The following FKBP15 variants were observed in gnomAD, a reference collection of about 807,000 sequenced individuals.
FKBP15 encodes FKBP prolyl isomerase family member 15.
In FKBP15, 106 loss-of-function variants were observed where a neutral mutation model predicts 158.1. The observed-to-expected ratio is 0.67, with a 90% CI of 0.57 to 0.79. The LOEUF is 0.79. FKBP15 is among the 30% of genes least tolerant of loss of function. FKBP15 has a pLI of 0.00. For missense variants in FKBP15, 1,287 were observed against 1,479.1 expected, an observed-to-expected ratio of 0.87 and a Z score of 2.13; for synonymous variants, 547 against 548.6, an observed-to-expected ratio of 1.00 and a Z score of 0.04.
chr9:113,190,606 C>T lies in FKBP15; in HGVS notation c.1066-28G>A, dbSNP rs368184554. 37 of 1,558,400 alleles carry T rather than the reference C, an allele frequency of 2.4e-5. No individual in the cohort carries two copies. In the Admixed American group the frequency reaches 2.9e-4, roughly 12 times the overall value. The stretch of plus-strand genomic sequence containing the variant: ...AAAAAGAGAGGAAAGTCACAAAAAT[C>T]ACTGTGATTAAAGCTCATCACCTTC... On this transcript the variant is annotated intron_variant, in intron 11 of 27. Transcript: ENST00000238256.
At position 113,190,503 on chromosome 9, in the gene FKBP15, G is replaced by A; in HGVS notation, c.1141C>T (p.Pro381Ser). The A allele has an allele frequency of 6.2e-7, 1 of 1,612,174 alleles. No homozygotes were observed. Among genetic ancestry groups the A allele is most frequent in the Non-Finnish European group, 8.5e-7 (1 of 1,179,156 alleles). Residue 381 changes from proline to serine, a missense_variant, in exon 12 of 28, where the codon CCA becomes TCA. Pro to Ser is a moderately conservative substitution (Grantham distance 74). Transcript: ENST00000238256. ...TCTGAATCATTGGAATCCAGCTGTGGTGGAAGGATGGGCAGCATGGGCTGG... is the reference window on the plus strand; with the variant it reads ...TCTGAATCATTGGAATCCAGCTGTGATGGAAGGATGGGCAGCATGGGCTGG... ...MGQPMLPILP[P>S]QLDSNDSEIE...
intron 23 of FKBP15, 33 bp from the exon 24 acceptor site, chr9:113,171,739 A>AGAAACCT: frequency 1.8e-6 from 2 of 1,130,132 alleles, no homozygotes; most frequent in Non-Finnish European, 1.1e-6. Flanking sequence ...CTGTGGCCTC[A>AGAAACCT]GGAACCAGGT....
chr9:113,193,199 G>C (rs1418452592), intron 11 of FKBP15, among the ~76,000 whole-genome samples: 1 of 152,172 alleles, frequency 6.6e-6, no homozygotes, highest in African/African-American at 2.4e-5. Flanking sequence ...AACTTACACT[G>C]ACTCCCAAGT....
chr9:113,201,059 A>G (rs1162140626), intron 6 of FKBP15, among the ~76,000 whole-genome samples: 3 of 146,436 alleles, frequency 2.0e-5, no homozygotes, highest in African/African-American at 7.5e-5. Flanking sequence ...AAAAAAAAAA[A>G]GAGTTTCATT....
chr9:113,176,756 A>G lies in FKBP15; in HGVS notation c.2087-83T>C, dbSNP rs527529829. On this transcript the variant is annotated intron_variant, in intron 20 of 27. Coordinates refer to ENST00000238256, the MANE Select transcript of FKBP15 (RefSeq NM_015258.2). ...GTTATCCCAGCAGCTCTTTTTTTAA[A>G]TTATTTTTTGGAGACAAAGCCTTGC... The G allele has an allele frequency of 9.5e-6, 14 of 1,466,738 alleles. No individual in the cohort carries two copies. The African/African-American group carries it at 2.0e-4, about 21-fold the overall frequency. 90.9% of individuals were successfully genotyped at this position (1,466,738 alleles called of 1,614,324 possible).
chr9:113,207,150 A>AAGT (rs2118939030), intron 3 of FKBP15, 62 bp downstream of exon 3: 1 of 1,100,096 alleles, frequency 9.1e-7, no homozygotes, highest in Non-Finnish European at 1.3e-6. Flanking sequence ...TTTCGAGAAA[A>AAGT]AGTAGCTTAA....
intron 9 of FKBP15, among the ~76,000 whole-genome samples, chr9:113,195,098 A>G (rs1245915980): frequency 6.6e-6 from 1 of 152,194 alleles, no homozygotes; most frequent in Non-Finnish European, 1.5e-5. Context: ...CAAGTGTTCC[A>G]TTATTGGAAC....
At chr9:113,219,791 A>T (rs1220266535) in intron 1 of FKBP15, among the ~76,000 whole-genome samples, 1 of 152,218 alleles carries the variant, frequency 6.6e-6, no homozygotes, top group African/African-American at 2.4e-5. Context: ...ATACTTTCAC[A>T]TAGTGAAGAA....
chr9:113,188,243 G>T, intron 13 of FKBP15, 146 bp downstream of exon 13: 1 of 685,236 alleles, frequency 1.5e-6, no homozygotes. Flanking sequence ...GCCTTACCCA[G>T]GGACAAACTG....
At chr9:113,193,802 T>A (rs1164618002) in intron 10 of FKBP15, among the ~76,000 whole-genome samples, 1 of 152,242 alleles carries the variant, frequency 6.6e-6, no homozygotes, top group East Asian at 1.9e-4. Flanking sequence ...CTTAGTTTTC[T>A]TCCAGAATTT....
At chr9:113,182,605 A>G (rs1247725269) in intron 19 of FKBP15, among the ~76,000 whole-genome samples, 161 bp downstream of exon 19, 2 of 152,192 alleles carry the variant, frequency 1.3e-5, no homozygotes, top group Non-Finnish European at 1.5e-5. Context: ...TAAAACAGAA[A>G]TGTAGATGAT....
At position 113,161,214 on chromosome 9, in the gene FKBP15, C is replaced by G. The variant is rs373744948; in HGVS notation, c.*4864G>C. The G allele has an allele frequency of 1.6e-4, 65 of 412,764 alleles. No homozygotes were observed. The highest frequency in any genetic ancestry group is 1.0e-3 in the African/African-American group (50 of 48,482). 25.6% of individuals were successfully genotyped at this position (412,764 alleles called of 1,614,324 possible). ...GGACCTTGCAGTACTCATCACTTAA[C>G]AAGAAGTCACGACAGATTTGTGCAG... is the stretch of plus-strand genomic sequence containing the variant. On this transcript the variant is annotated 3_prime_UTR_variant, in exon 28 of 28. Transcript: ENST00000238256.
rs1224973474 is a variant in FKBP15 at position 113,202,969 on chromosome 9, C to T, written c.391G>A (p.Glu131Lys). 6 of 1,610,144 alleles carry T rather than the reference C, an allele frequency of 3.7e-6. No individual in the cohort carries two copies. The highest frequency in any genetic ancestry group is 5.1e-6 in the Non-Finnish European group (6 of 1,178,252). ...VTVARIHVNF[E>K]LMVRPNNYST... ...ATATGATGAAGTCTTACCATTAGCT[C>T]AAAGTTCACATGAATCCTAGCAACC... The change falls in exon 5 of 28, where the codon GAG (glutamate) becomes AAG (lysine). Residue 131 changes from glutamate to lysine, a missense_variant. By Grantham distance (56) the Glu-to-Lys change is moderately conservative. Transcript: ENST00000238256.
At chr9:113,187,685 C>G (rs1830507983) in intron 14 of FKBP15, 108 bp downstream of exon 14, 1 of 891,232 alleles carries the variant, frequency 1.1e-6, no homozygotes, top group Non-Finnish European at 1.7e-6. Context: ...ATTACAAACT[C>G]TGACTTTGGG....
chr9:113,186,446 G>A (rs1018161106), intron 14 of FKBP15, 83 bp from the exon 15 acceptor site: 7 of 1,033,530 alleles, frequency 6.8e-6, no homozygotes, highest in Non-Finnish European at 1.0e-5. Context: ...GTGGAATAAA[G>A]TGGATGAGCT....
intron 9 of FKBP15, among the ~76,000 whole-genome samples, chr9:113,195,582 C>T (rs564805124): frequency 2.0e-5 from 3 of 152,256 alleles, no homozygotes; most frequent in South Asian, 2.1e-4. Context: ...GTTAGGAAAG[C>T]GTCACTGAGA....
intron 10 of FKBP15, 88 bp from the exon 11 acceptor site, chr9:113,193,637 T>A: frequency 1.8e-6 from 2 of 1,090,966 alleles, no homozygotes; most frequent in East Asian, 2.6e-5. Flanking sequence ...ATTGTTTTTT[T>A]AAATGTGTGC....
intron 4 of FKBP15, among the ~76,000 whole-genome samples, chr9:113,205,716 C>T (rs576255336): frequency 2.3e-4 from 35 of 152,166 alleles, no homozygotes; most frequent in African/African-American, 8.2e-4. Flanking sequence ...TCAGTCTTCA[C>T]GATACATACT....
At position 113,169,046 on chromosome 9, in the gene FKBP15, T is replaced by C. The variant is rs181471711; in HGVS notation, c.3485+178A>G. ...ACTACCACAGGGCCCGCCACACTACTGTAGGGCCCGCCACAGAGCCTTGTA... is the reference window on the plus strand; with the variant it reads ...ACTACCACAGGGCCCGCCACACTACCGTAGGGCCCGCCACAGAGCCTTGTA... On this transcript the variant is annotated intron_variant, in intron 26 of 27. Coordinates refer to ENST00000238256, the MANE Select transcript of FKBP15 (RefSeq NM_015258.2). Among the ~76,000 whole-genome samples, 174 of 56,962 alleles carry C rather than the reference T, an allele frequency of 3.1e-3. 1 individual carries two copies. In the Middle Eastern group the frequency reaches 0.034, roughly 11 times the overall value. The allele number at this position is 56,962 out of a possible 152,430, so 37.4% of individuals were successfully genotyped here.
Sources: allele counts gnomAD v4.1 joint callset (sites outside exome capture counted in the v4.1 genomes callset), GRCh38; gene constraint gnomAD v4.1.1; transcripts MANE v1.5; gene names NCBI Gene and HGNC (gene_info 2026-07-23, HGNC 2026-07-21).